The following KLF15 variants were observed in gnomAD, a reference collection of about 807,000 sequenced individuals.
The protein encoded by KLF15 is KLF transcription factor 15.
KLF15 carries 4 observed loss-of-function variants against 24.6 expected under a neutral mutation model. The ratio of observed to expected loss-of-function variants is 0.16; its 90% CI spans 0.08 to 0.37. KLF15 has a LOEUF of 0.37. Ranked by LOEUF, KLF15 falls within the 10% of genes least tolerant of loss-of-function variation. KLF15 has a pLI of 1.00. For missense variants in KLF15, 496 were observed against 560.6 expected (o/e 0.88, Z 1.16); for synonymous variants, 246 against 236.3 (o/e 1.04, Z -0.37).
At chr3:126,319,385 G>A in the KLF15 span, among the ~76,000 whole-genome samples, 1 of 152,220 alleles carries the variant, frequency 6.6e-6, no homozygotes, top group Non-Finnish European at 1.5e-5. Flanking sequence ...AGGTAGCTGT[G>A]CCATTTGGCC....
the KLF15 span, among the ~76,000 whole-genome samples, chr3:126,298,831 A>AT: frequency 6.6e-6 from 1 of 152,106 alleles, no homozygotes; most frequent in Non-Finnish European, 1.5e-5. Flanking sequence ...CTATATGCCT[A>AT]TTTTTATACC....
intron 2 of KLF15, among the ~76,000 whole-genome samples, chr3:126,351,432 T>C (rs2082581032): frequency 6.6e-6 from 1 of 152,168 alleles, no homozygotes; most frequent in Non-Finnish European, 1.5e-5. Context: ...GTCGGAGCCC[T>C]AGTGTCCTGT....
At chr3:126,322,073 G>A in the KLF15 span, among the ~76,000 whole-genome samples, 3 of 152,166 alleles carry the variant, frequency 2.0e-5, no homozygotes, top group Non-Finnish European at 2.9e-5. Context: ...CCTGGTCACC[G>A]ATTTTAGACT....
chr3:126,342,240 A>G (rs1373708208), downstream of KLF15, among the ~76,000 whole-genome samples: 42 of 152,254 alleles, frequency 2.8e-4, no homozygotes, highest in Non-Finnish European at 7.3e-5. Context: ...GCCAAGGCAC[A>G]GCAAACATAT....
At chr3:126,302,739 A>C in the KLF15 span, among the ~76,000 whole-genome samples, 1 of 152,240 alleles carries the variant, frequency 6.6e-6, no homozygotes, top group Admixed American at 6.5e-5. Flanking sequence ...GATGTGTGTT[A>C]GCATGGTATA....
chr3:126,324,768 C>G, the KLF15 span, among the ~76,000 whole-genome samples: 1 of 80,056 alleles, frequency 1.2e-5, no homozygotes, highest in Non-Finnish European at 2.7e-5. Flanking sequence ...TTTTTTTTTT[C>G]ATTGATCTTT....
At chr3:126,341,641 G>A (rs535644917), downstream of KLF15, among the ~76,000 whole-genome samples, 54 of 152,182 alleles carry the variant, frequency 3.5e-4, no homozygotes, top group African/African-American at 1.3e-3. Flanking sequence ...CTGTGTGCTG[G>A]GCGGCTGGTG....
intron 2 of KLF15, among the ~76,000 whole-genome samples, chr3:126,349,936 G>T (rs9850626): frequency 0.73 from 111,464 of 152,142 alleles, 40,955 homozygotes; most frequent in Non-Finnish European, 0.77. Context: ...AGAAACTGCC[G>T]TGTATGAGTT....
intron 2 of KLF15, 74 bp from the exon 3 acceptor site, chr3:126,343,969 G>A (rs2082508803): frequency 6.9e-7 from 1 of 1,444,270 alleles, no homozygotes; most frequent in Non-Finnish European, 9.2e-7. Context: ...GAAGTTGCCG[G>A]GATGCAAGGC....
At chr3:126,308,940 G>T in the KLF15 span, among the ~76,000 whole-genome samples, 1 of 152,200 alleles carries the variant, frequency 6.6e-6, no homozygotes, top group African/African-American at 2.4e-5. Flanking sequence ...AGGGAGAGGG[G>T]ATCGCTGGCC....
At chr3:126,303,352 C>G in the KLF15 span, among the ~76,000 whole-genome samples, 1 of 151,918 alleles carries the variant, frequency 6.6e-6, no homozygotes, top group Non-Finnish European at 1.5e-5. Flanking sequence ...ATTCTTTCAG[C>G]TATTGTTGAA....
downstream of KLF15, among the ~76,000 whole-genome samples, chr3:126,339,743 G>C (rs2082465438): frequency 1.3e-5 from 2 of 152,070 alleles, no homozygotes; most frequent in Non-Finnish European, 1.5e-5. Context: ...GGAAGCCCTG[G>C]TCCTGAGGCT....
At chr3:126,339,068 G>A (rs548862892), downstream of KLF15, among the ~76,000 whole-genome samples, 1 of 152,208 alleles carries the variant, frequency 6.6e-6, no homozygotes, top group African/African-American at 2.4e-5. Flanking sequence ...AGGGCCAAGG[G>A]AGGCTGACAG....
chr3:126,354,041 C>T (rs1158688615), intron 1 of KLF15: 1 of 152,426 alleles, frequency 6.6e-6, no homozygotes, highest in African/African-American at 2.4e-5. Flanking sequence ...TAATGCCTGT[C>T]TCCCCCTGAG....
downstream of KLF15, among the ~76,000 whole-genome samples, chr3:126,339,366 G>A (rs948391372): frequency 1.3e-5 from 2 of 152,126 alleles, no homozygotes; most frequent in Non-Finnish European, 2.9e-5. Flanking sequence ...CTTTTTACCT[G>A]GTCCTGGTGC....
the KLF15 span, among the ~76,000 whole-genome samples, chr3:126,321,819 G>A: frequency 1.3e-4 from 20 of 152,284 alleles, no homozygotes; most frequent in African/African-American, 4.6e-4. Context: ...TATGTGTGTC[G>A]GCTCCGGGGT....
At chr3:126,349,367 C>T (rs2082563125) in intron 2 of KLF15, among the ~76,000 whole-genome samples, 1 of 152,182 alleles carries the variant, frequency 6.6e-6, no homozygotes, top group South Asian at 2.1e-4. Context: ...CTCCTGGGGG[C>T]AGTGCCACTG....
At chr3:126,292,714 G>A in the KLF15 span, among the ~76,000 whole-genome samples, 65 of 152,190 alleles carry the variant, frequency 4.3e-4, no homozygotes, top group African/African-American at 1.5e-3. Context: ...GAGTCTGGAC[G>A]AGGGGAGGGA....
chr3:126,294,082 C>T, the KLF15 span: 1 of 152,240 alleles, frequency 6.6e-6, no homozygotes, highest in Non-Finnish European at 1.5e-5. Flanking sequence ...AGTCTCTCCG[C>T]CTAGGTCTGC....
Sources: allele counts gnomAD v4.1 joint callset (sites outside exome capture counted in the v4.1 genomes callset), GRCh38; gene constraint gnomAD v4.1.1; transcripts MANE v1.5; gene names NCBI Gene and HGNC (gene_info 2026-07-23, HGNC 2026-07-21).